Variants in KIAA1217 observed in about 807,000 individuals in gnomAD.
KIAA1217 encodes the protein KIAA1217, also known as sickle tail protein homolog.
In KIAA1217, 88 loss-of-function variants were observed where a neutral mutation model predicts 163.9. The observed-to-expected ratio is 0.54, with a 90% CI of 0.45 to 0.64. The LOEUF (loss-of-function observed/expected upper bound fraction) is 0.64. Ranked by LOEUF, KIAA1217 falls within the 30% of genes least tolerant of loss-of-function variation. The pLI is 0.00. For missense variants in KIAA1217, 2,372 were observed against 2,475.0 expected (o/e 0.96, Z 0.88); for synonymous variants, 903 against 923.1 (o/e 0.98, Z 0.39).
At chr10:23,993,634 C>A (rs999696833) in intron 1 of KIAA1217, among the ~76,000 whole-genome samples, 1 of 142,276 alleles carries the variant, frequency 7.0e-6, no homozygotes. Context: ...CAGCTCACTG[C>A]AACCTTCGCC....
intron 2 of KIAA1217, among the ~76,000 whole-genome samples, chr10:24,133,325 A>G (rs2063721927): frequency 6.6e-5 from 10 of 152,154 alleles, no homozygotes; most frequent in Admixed American, 6.5e-4. Flanking sequence ...TAATCTCAGC[A>G]TTTTGGGAGG....
In KIAA1217 at chr10:24,407,534, G is replaced by A. The variant is rs569681300; in HGVS notation, c.554-25461G>A. On this transcript the variant is annotated intron_variant, in intron 3 of 20. Transcript: ENST00000376454. ...TTGCCCAGGCTGGTTTCAAACTCCT[G>A]GCCTCAAGTGATCCCCCCACCTCAG... Among the ~76,000 whole-genome samples, 18 of 152,088 alleles carry A rather than the reference G, an allele frequency of 1.2e-4. 1 individual carries two copies. The South Asian group carries it at 3.3e-3, about 28-fold the overall frequency.
At chr10:23,870,854 A>G (rs1340769546) in intron 1 of KIAA1217, among the ~76,000 whole-genome samples, 1 of 152,068 alleles carries the variant, frequency 6.6e-6, no homozygotes, top group Non-Finnish European at 1.5e-5. Flanking sequence ...CTGCTTTTAC[A>G]TAACTGTCCT....
chr10:24,312,503 C>G (rs768328620), intron 2 of KIAA1217, among the ~76,000 whole-genome samples: 33 of 152,090 alleles, frequency 2.2e-4, no homozygotes, highest in Non-Finnish European at 4.0e-4. Context: ...CCTGTAATCC[C>G]AGCTGCTCGG....
chr10:24,536,033 A>G (rs917728044), intron 16 of KIAA1217, among the ~76,000 whole-genome samples: 3 of 151,980 alleles, frequency 2.0e-5, no homozygotes, highest in Non-Finnish European at 4.4e-5. Flanking sequence ...TCATGATCAT[A>G]TTATCTGGGC....
rs373277863 is a variant in KIAA1217 at position 24,520,256 on chromosome 10, A to G, written c.2308+3A>G. 2.5e-6 allele frequency: 4 copies of G among 1,613,976 alleles called. No homozygotes were observed. Among genetic ancestry groups the G allele is most frequent in the East Asian group, 2.2e-5 (1 of 44,866 alleles). Reference sequence around the variant, plus strand: ...AGAGGCTGTAGCTACCCTGAAAGGTAAACTTTCTGCTGGGTCGGGGGAGGA... The same window carrying G: ...AGAGGCTGTAGCTACCCTGAAAGGTGAACTTTCTGCTGGGTCGGGGGAGGA... On this transcript the variant is annotated splice_donor_region_variant and intron_variant, in intron 11 of 20. Transcript: ENST00000376454.
intron 2 of KIAA1217, among the ~76,000 whole-genome samples, chr10:24,202,558 C>T (rs540302042): frequency 1.4e-4 from 22 of 152,330 alleles, no homozygotes; most frequent in African/African-American, 3.6e-4. Flanking sequence ...TCATGAGCAC[C>T]GTTGCCCAAA....
At chr10:23,790,400 C>CATATGCATATGT (rs1564423333) in intron 1 of KIAA1217, among the ~76,000 whole-genome samples, 1 of 98,442 alleles carries the variant, frequency 1.0e-5, no homozygotes, top group Non-Finnish European at 2.0e-5. Flanking sequence ...TGTATATATA[C>CATATGCATATGT]ATATATACAT....
chr10:24,456,914 C>G (rs1352308392), intron 5 of KIAA1217, among the ~76,000 whole-genome samples: 1 of 151,938 alleles, frequency 6.6e-6, no homozygotes, highest in Non-Finnish European at 1.5e-5. Context: ...GTTGGCCAGG[C>G]TGCTCTCGAA....
At chr10:24,277,163 C>T (rs12769567) in intron 2 of KIAA1217, among the ~76,000 whole-genome samples, 1 of 152,086 alleles carries the variant, frequency 6.6e-6, no homozygotes. Flanking sequence ...TCAAATTGCT[C>T]TTTAACTCTG....
rs576147475 is a variant in KIAA1217 at position 23,992,455 on chromosome 10, A to C, written c.-320-14770A>C. Among the ~76,000 whole-genome samples, 47 of 152,270 alleles carry C rather than the reference A, an allele frequency of 3.1e-4. No individual in the cohort carries two copies. In the South Asian group the frequency reaches 9.5e-3, roughly 31 times the overall value. On this transcript the variant is annotated intron_variant, in intron 1 of 18. Coordinates refer to the KIAA1217 transcript ENST00000376462. Reference sequence around the variant, plus strand: ...GAGACCCAAGAGTAACAGGAGAGGGATGGAGGCTGACAAAGGCAAAGCAGC... The same window carrying C: ...GAGACCCAAGAGTAACAGGAGAGGGCTGGAGGCTGACAAAGGCAAAGCAGC...
chr10:24,457,845 C>A (rs191976310), intron 5 of KIAA1217, among the ~76,000 whole-genome samples: 3 of 152,270 alleles, frequency 2.0e-5, no homozygotes, highest in African/African-American at 7.2e-5. Context: ...TCCTTACTCT[C>A]GGTAGGCATT....
chr10:23,783,652 GTGTT>G (rs1360729243), intron 1 of KIAA1217, among the ~76,000 whole-genome samples: 8 of 152,040 alleles, frequency 5.3e-5, no homozygotes, highest in African/African-American at 1.9e-4. Context: ...TTTTCTTTGA[GTGTT>G]TGGTAGAATT....
chr10:23,899,825 A>G (rs1841879605), intron 1 of KIAA1217, among the ~76,000 whole-genome samples: 1 of 152,076 alleles, frequency 6.6e-6, no homozygotes, highest in Non-Finnish European at 1.5e-5. Flanking sequence ...GTCTCATAAA[A>G]CAATTCTTAC....
intron 2 of KIAA1217, among the ~76,000 whole-genome samples, chr10:24,285,809 T>C (rs1343260428): frequency 6.6e-6 from 1 of 152,240 alleles, no homozygotes; most frequent in Non-Finnish European, 1.5e-5. Flanking sequence ...ATTTTAATAA[T>C]ATTGATTCTT....
chr10:24,392,936 T>A (rs1045955923), intron 3 of KIAA1217, among the ~76,000 whole-genome samples: 2 of 152,144 alleles, frequency 1.3e-5, no homozygotes, highest in Admixed American at 6.5e-5. Flanking sequence ...ATTACACACA[T>A]TATTTTTTTT....
intron 1 of KIAA1217, among the ~76,000 whole-genome samples, chr10:23,895,117 C>A (rs1841617157): frequency 6.6e-6 from 1 of 151,994 alleles, no homozygotes; most frequent in Non-Finnish European, 1.5e-5. Context: ...AAAGCAATGG[C>A]AACAAAAGAC....
At position 24,013,903 on chromosome 10, in the gene KIAA1217, C is replaced by T. The variant is rs1564610981; in HGVS notation, c.-171+6529C>T. 3.3e-5 allele frequency among the ~76,000 whole-genome samples: 5 copies of T among 152,156 alleles called. No individual in the cohort carries two copies. The East Asian group carries it at 5.8e-4, about 18-fold the overall frequency. On this transcript the variant is annotated intron_variant, in intron 2 of 18. Coordinates refer to the KIAA1217 transcript ENST00000376462. ...GGAAAGATGTGTGTGCTCACAGTGA[C>T]GCCAAGAGCCAGCACCTTAGACAGT... is the stretch of plus-strand genomic sequence containing the variant.
intron 3 of KIAA1217, among the ~76,000 whole-genome samples, chr10:24,384,230 C>CA (rs2053701519): frequency 1.3e-5 from 2 of 152,196 alleles, no homozygotes; most frequent in Admixed American, 1.3e-4. Flanking sequence ...TAAGTTCTCT[C>CA]ATGAAGCCCT....
Sources: gnomAD v4.1 joint callset for allele counts (sites outside exome capture counted in the v4.1 genomes callset) on GRCh38, gnomAD v4.1.1 for gene constraint, MANE v1.5 for transcripts, NCBI Gene and HGNC (gene_info 2026-07-23, HGNC 2026-07-21) for gene names.